KLHDC1: variants seen among roughly 807,000 people sequenced by gnomAD.
The protein encoded by KLHDC1 is kelch domain-containing protein 1.
Under a neutral mutation model 68.3 loss-of-function variants are expected in KLHDC1, and 53 were observed. The observed-to-expected ratio is 0.78, with a 90% CI of 0.62 to 0.98. The LOEUF is 0.98. KLHDC1 is among the 50% of genes least tolerant of loss of function. The probability of loss-of-function intolerance (pLI) is 0.00; values close to 1 mark genes in which losing one functional copy is unlikely to be tolerated. For synonymous variants in KLHDC1, 148 were observed against 159.0 expected (o/e 0.93, Z 0.52); for missense variants, 470 against 492.3 (o/e 0.95, Z 0.43).
At chr14:49,697,001 A>G (rs1392334939) in intron 1 of KLHDC1, among the ~76,000 whole-genome samples, 1 of 151,572 alleles carries the variant, frequency 6.6e-6, no homozygotes, top group South Asian at 2.1e-4. Context: ...CAGTGGCACA[A>G]TCTTGGCTCA....
In KLHDC1 at chr14:49,728,753, G is replaced by A. The variant is rs147639465; in HGVS notation, c.568-173G>A. ...AGAATAAAATGTATTCTGACAAATA[G>A]TATTTGTCTACAATTAGTACTATTT... On this transcript the variant is annotated intron_variant, in intron 6 of 12. Coordinates refer to ENST00000359332, the MANE Select transcript of KLHDC1 (RefSeq NM_172193.3). Among the ~76,000 whole-genome samples, 1,093 of 152,272 alleles carry A rather than the reference G, an allele frequency of 7.2e-3. 13 individuals carry two copies. Among genetic ancestry groups the A allele is most frequent in the African/African-American group, 0.025 (1,038 of 41,554 alleles).
chr14:49,707,473 G>A (rs1338998893), intron 1 of KLHDC1, among the ~76,000 whole-genome samples: 1 of 146,016 alleles, frequency 6.8e-6, no homozygotes, highest in Non-Finnish European at 1.5e-5. Flanking sequence ...TCAGCCTTCT[G>A]AGTTGCTGGG....
intron 12 of KLHDC1, among the ~76,000 whole-genome samples, chr14:49,746,010 G>C (rs1889191349): frequency 6.6e-6 from 1 of 152,180 alleles, no homozygotes; most frequent in African/African-American, 2.4e-5. Flanking sequence ...CAGTGGTCAG[G>C]TACAGAGTGA....
chr14:49,737,662 C>T (rs1317469723), intron 10 of KLHDC1, among the ~76,000 whole-genome samples: 1 of 148,758 alleles, frequency 6.7e-6, no homozygotes, highest in Admixed American at 6.7e-5. Flanking sequence ...CCCAGGAGTT[C>T]AAGACCAGCC....
At chr14:49,735,834 G>A (rs1218872050) in intron 10 of KLHDC1, among the ~76,000 whole-genome samples, 1 of 152,076 alleles carries the variant, frequency 6.6e-6, no homozygotes, top group African/African-American at 2.4e-5. Context: ...AACATAGTGA[G>A]ACCCCATTGC....
intron 12 of KLHDC1, among the ~76,000 whole-genome samples, chr14:49,746,019 G>A (rs1396549926): frequency 6.6e-6 from 1 of 152,210 alleles, no homozygotes; most frequent in African/African-American, 2.4e-5. Flanking sequence ...GGTACAGAGT[G>A]AATGTCTGAT....
intron 10 of KLHDC1, among the ~76,000 whole-genome samples, chr14:49,735,745 C>T (rs1027246694): frequency 2.6e-5 from 4 of 152,186 alleles, no homozygotes; most frequent in African/African-American, 9.6e-5. Flanking sequence ...TGTGGTGGCT[C>T]ACGCCTATTA....
intron 1 of KLHDC1, among the ~76,000 whole-genome samples, chr14:49,695,877 A>C (rs1384648150): frequency 6.6e-6 from 1 of 152,104 alleles, no homozygotes; most frequent in African/African-American, 2.4e-5. Context: ...ATCCTGGCTA[A>C]CATGGTGAAA....
chr14:49,706,086 T>G (rs1888043210), intron 1 of KLHDC1, among the ~76,000 whole-genome samples: 1 of 152,186 alleles, frequency 6.6e-6, no homozygotes, highest in African/African-American at 2.4e-5. Flanking sequence ...TTATTCTTTC[T>G]AACTATTTTT....
chr14:49,713,543 A>G (rs1315021721), intron 4 of KLHDC1, among the ~76,000 whole-genome samples: 2 of 151,840 alleles, frequency 1.3e-5, no homozygotes, highest in Non-Finnish European at 2.9e-5. Context: ...GTATCCTTCA[A>G]AGTGGTCAGT....
intron 3 of KLHDC1, 114 bp from the exon 4 acceptor site, chr14:49,710,149 C>G (rs1888160709): frequency 1.7e-6 from 1 of 598,936 alleles, no homozygotes; most frequent in Non-Finnish European, 2.9e-6. Context: ...TAATAGGTAA[C>G]AAGCTTACCT....
intron 5 of KLHDC1, 136 bp downstream of exon 5, chr14:49,724,088 C>T (rs1566609556): frequency 3.4e-6 from 2 of 583,254 alleles, no homozygotes. Flanking sequence ...AATGTGTTTT[C>T]TCTCTTTAAC....
intron 12 of KLHDC1, among the ~76,000 whole-genome samples, chr14:49,748,421 A>G (rs1454383479): frequency 1.3e-5 from 2 of 152,148 alleles, no homozygotes; most frequent in Admixed American, 6.5e-5. Context: ...AAGTCAGAGG[A>G]AGCAGGGGTG....
At chr14:49,722,853 G>C (rs868408857) in intron 4 of KLHDC1, among the ~76,000 whole-genome samples, 1 of 150,222 alleles carries the variant, frequency 6.7e-6, no homozygotes, top group African/African-American at 2.4e-5. Context: ...TTGGGAGGCC[G>C]AGGTGGGCAG....
At position 49,751,572 on chromosome 14, in the gene KLHDC1, T is replaced by C. The variant is rs1343277401; in HGVS notation, c.1035-14T>C. On this transcript the variant is annotated splice_polypyrimidine_tract_variant and intron_variant, in intron 12 of 12. Coordinates refer to ENST00000359332, the MANE Select transcript of KLHDC1 (RefSeq NM_172193.3). Reference sequence around the variant, plus strand: ...AGGTTCAAGACTAATAATTCTGTTATGTTTTATTTACAGGTCATGCCTTGA... The same window carrying C: ...AGGTTCAAGACTAATAATTCTGTTACGTTTTATTTACAGGTCATGCCTTGA... 3 of 1,368,612 alleles carry C rather than the reference T, an allele frequency of 2.2e-6. No individual in the cohort carries two copies. The highest frequency in any genetic ancestry group is 3.2e-5 in the South Asian group (2 of 62,526). The allele number at this position is 1,368,612 out of a possible 1,614,324, so 84.8% of individuals were successfully genotyped here. A position where few individuals can be genotyped will look rare whatever the true frequency, so the allele number is the denominator to read the frequency against.
intron 1 of KLHDC1, among the ~76,000 whole-genome samples, chr14:49,696,635 T>G (rs557395950): frequency 6.6e-6 from 1 of 152,362 alleles, no homozygotes; most frequent in South Asian, 2.1e-4. Context: ...GGGAATGTTG[T>G]GGCTGTATGA....
At chr14:49,712,941 A>G (rs1485943979) in intron 4 of KLHDC1, among the ~76,000 whole-genome samples, 2 of 148,530 alleles carry the variant, frequency 1.3e-5, no homozygotes, top group Middle Eastern at 3.5e-3. Flanking sequence ...TGCCCGGCCC[A>G]TAGCTAACTT....
chr14:49,710,737 T>C (rs902332537), intron 4 of KLHDC1, among the ~76,000 whole-genome samples: 1 of 152,204 alleles, frequency 6.6e-6, no homozygotes, highest in Non-Finnish European at 1.5e-5. Flanking sequence ...CGCTAGTTTT[T>C]GTGAGTTATG....
At chr14:49,713,838 A>ATTTTT (rs1566602988) in intron 4 of KLHDC1, among the ~76,000 whole-genome samples, 4 of 6,166 alleles carry the variant, frequency 6.5e-4, no homozygotes, top group Admixed American at 3.1e-3. Flanking sequence ...ATATATATAT[A>ATTTTT]TATATATATA....
Sources: gnomAD v4.1 joint callset for allele counts (sites outside exome capture counted in the v4.1 genomes callset) on GRCh38, gnomAD v4.1.1 for gene constraint, MANE v1.5 for transcripts, NCBI Gene and HGNC (gene_info 2026-07-23, HGNC 2026-07-21) for gene names.